PTPRM: variants seen among roughly 807,000 people sequenced by gnomAD.
PTPRM encodes the protein protein tyrosine phosphatase receptor type M.
In PTPRM, 47 loss-of-function variants were observed where a neutral mutation model predicts 186.7. That is an observed-to-expected ratio of 0.25 (90% confidence interval 0.20 to 0.32). PTPRM has a LOEUF of 0.32. Ranked by LOEUF, PTPRM falls within the 10% of genes least tolerant of loss-of-function variation. The probability of loss-of-function intolerance (pLI) is 1.00; values close to 1 mark genes in which losing one functional copy is unlikely to be tolerated. For synonymous variants in PTPRM, 668 were observed against 674.9 expected (o/e 0.99, Z 0.16); for missense variants, 1,494 against 1,865.0 (o/e 0.80, Z 3.66).
chr18:8,126,090 A>G (rs1221488088), intron 13 of PTPRM, among the ~76,000 whole-genome samples: 2 of 144,690 alleles, frequency 1.4e-5, no homozygotes, highest in South Asian at 2.2e-4. Flanking sequence ...AACTCACAAA[A>G]GCATGAAACA....
At chr18:8,215,545 CTTTTTTTTTTTT>C (rs11334182) in intron 14 of PTPRM, among the ~76,000 whole-genome samples, 5 of 116,324 alleles carry the variant, frequency 4.3e-5, no homozygotes, top group Non-Finnish European at 8.9e-5. Context: ...TCTTTCTTTT[CTTTTTTTTTTTT>C]TTTTTTTTTG....
intron 5 of PTPRM, among the ~76,000 whole-genome samples, chr18:7,935,975 A>C (rs1338981198): frequency 6.6e-6 from 1 of 152,224 alleles, no homozygotes; most frequent in East Asian, 1.9e-4. Context: ...ATTCTGGGAA[A>C]GCCTTCTTTC....
intron 7 of PTPRM, among the ~76,000 whole-genome samples, chr18:7,981,394 T>C (rs1031393690): frequency 1.1e-4 from 17 of 152,204 alleles, no homozygotes; most frequent in African/African-American, 3.6e-4. Context: ...TTTTGGAGAC[T>C]GAGTCCATGT....
intron 2 of PTPRM, among the ~76,000 whole-genome samples, chr18:7,785,134 A>G (rs1281312923): frequency 6.6e-6 from 1 of 152,210 alleles, no homozygotes; most frequent in Non-Finnish European, 1.5e-5. Flanking sequence ...GAATGGGAAG[A>G]GGAAGAGGTC....
rs544985823 is a variant in PTPRM, at chr18:8,273,343, A to G, written c.2754+19929A>G. ...AATATCTGTAATTTACTTTGATTCT[A>G]TAGATCTCTCTAGTCTTGATCTTTA... On this transcript the variant is annotated intron_variant, in intron 19 of 32. Coordinates refer to ENST00000580170, the MANE Select transcript of PTPRM (RefSeq NM_001105244.2). Among the ~76,000 whole-genome samples the G allele has an allele frequency of 2.6e-5, 4 of 152,282 alleles. No individual in the cohort carries two copies. The East Asian group carries it at 7.7e-4, about 29-fold the overall frequency.
intron 7 of PTPRM, among the ~76,000 whole-genome samples, chr18:8,056,197 T>C (rs2087920545): frequency 6.6e-6 from 1 of 152,250 alleles, no homozygotes; most frequent in South Asian, 2.1e-4. Flanking sequence ...AATAATATGA[T>C]ATAATGAGTG....
intron 2 of PTPRM, among the ~76,000 whole-genome samples, chr18:7,792,532 C>T (rs1034549193): frequency 2.6e-5 from 4 of 152,178 alleles, no homozygotes; most frequent in Non-Finnish European, 5.9e-5. Context: ...TTTGGGCCTG[C>T]ATTTCTCAAA....
At chr18:8,395,588 C>T (rs1016778704) in intron 32 of PTPRM, among the ~76,000 whole-genome samples, 1 of 152,172 alleles carries the variant, frequency 6.6e-6, no homozygotes, top group East Asian at 1.9e-4. Context: ...ATACATGTCT[C>T]GTGCCTGATG....
chr18:7,988,100 G>A (rs530135605), intron 7 of PTPRM, among the ~76,000 whole-genome samples: 174 of 151,950 alleles, frequency 1.1e-3, no homozygotes, highest in African/African-American at 3.9e-3. Context: ...CAGGAGGATC[G>A]CTTGAGTCTG....
chr18:7,650,930 AT>A (rs2038686991), intron 1 of PTPRM, among the ~76,000 whole-genome samples: 2 of 139,098 alleles, frequency 1.4e-5, no homozygotes, highest in African/African-American at 3.1e-5. Flanking sequence ...TAAGAGAAAT[AT>A]CTTTTTTTTT....
intron 21 of PTPRM, among the ~76,000 whole-genome samples, chr18:8,318,585 A>G (rs1408080572): frequency 6.6e-6 from 1 of 152,004 alleles, no homozygotes; most frequent in African/African-American, 2.4e-5. Context: ...GGCATCAACC[A>G]CCACACCTGG....
intron 13 of PTPRM, among the ~76,000 whole-genome samples, chr18:8,139,416 G>A (rs558683): frequency 1 from 151,980 of 152,336 alleles, 75,813 homozygotes; most frequent in Middle Eastern, 1. Flanking sequence ...TAATAGCCTC[G>A]TAACTGAGGT....
At chr18:7,782,529 CCTT>C (rs1255125903) in intron 2 of PTPRM, among the ~76,000 whole-genome samples, 1 of 152,160 alleles carries the variant, frequency 6.6e-6, no homozygotes, top group Non-Finnish European at 1.5e-5. Flanking sequence ...TCACCATTGT[CCTT>C]CTCCAGAACT....
At chr18:7,725,982 G>A (rs1039454886) in intron 1 of PTPRM, among the ~76,000 whole-genome samples, 5 of 152,242 alleles carry the variant, frequency 3.3e-5, no homozygotes, top group East Asian at 1.9e-4. Context: ...CTGGGGCTTC[G>A]GATCACGGGC....
chr18:8,154,723 T>G (rs1232930280), intron 14 of PTPRM: 1 of 152,232 alleles, frequency 6.6e-6, no homozygotes, highest in Non-Finnish European at 1.5e-5. Flanking sequence ...AATTAGTACA[T>G]GGAATTATTT....
intron 7 of PTPRM, among the ~76,000 whole-genome samples, chr18:8,044,281 A>G (rs2086877477): frequency 1.3e-5 from 2 of 152,182 alleles, no homozygotes; most frequent in Non-Finnish European, 2.9e-5. Flanking sequence ...ATGACATTTG[A>G]AAAGGGAACC....
intron 1 of PTPRM, among the ~76,000 whole-genome samples, chr18:7,746,497 G>A (rs568856133): frequency 2.6e-5 from 4 of 151,052 alleles, no homozygotes; most frequent in Admixed American, 6.6e-5. Context: ...AAGAAGTCTC[G>A]CTCTGTCGCC....
chr18:8,336,328 G>T (rs1195234652), intron 22 of PTPRM, among the ~76,000 whole-genome samples: 1 of 152,128 alleles, frequency 6.6e-6, no homozygotes, highest in Non-Finnish European at 1.5e-5. Context: ...AGATGATGAG[G>T]CAGGCAGATT....
At chr18:7,716,091 C>T (rs7236736) in intron 1 of PTPRM, among the ~76,000 whole-genome samples, 2,852 of 152,228 alleles carry the variant, frequency 0.019, 83 homozygotes, top group East Asian at 0.1. Flanking sequence ...GGAGGGATCA[C>T]GCTACCTGAC....
Sources: gnomAD v4.1 joint callset for allele counts (sites outside exome capture counted in the v4.1 genomes callset) on GRCh38, gnomAD v4.1.1 for gene constraint, MANE v1.5 for transcripts, NCBI Gene and HGNC (gene_info 2026-07-23, HGNC 2026-07-21) for gene names.